The following SDHAF2 variants were observed in gnomAD, a reference collection of about 807,000 sequenced individuals.
SDHAF2 encodes succinate dehydrogenase assembly factor 2, mitochondrial.
Under a neutral mutation model 18.5 loss-of-function variants are expected in SDHAF2, and 21 were observed. The observed-to-expected ratio is 1.13, with a 90% CI of 0.80 to 1.63. SDHAF2 has a LOEUF of 1.63. Ranked by LOEUF, SDHAF2 falls within the 40% of genes most tolerant of loss-of-function variation. SDHAF2 has a pLI of 0.00. For synonymous variants in SDHAF2, 84 were observed against 70.7 expected, an observed-to-expected ratio of 1.19 and a Z score of -0.94; for missense variants, 195 against 200.3, an observed-to-expected ratio of 0.97 and a Z score of 0.16.
At chr11:61,435,453 T>C (rs1341013117) in intron 1 of SDHAF2, 2 of 152,198 alleles carry the variant, frequency 1.3e-5, no homozygotes, top group East Asian at 1.9e-4. Flanking sequence ...TCTTTATTCA[T>C]GTGCTTGGTA....
In SDHAF2 at chr11:61,446,251, C is replaced by A; in HGVS notation, c.*180C>A. 1 of 695,548 alleles carries A rather than the reference C, an allele frequency of 1.4e-6. No homozygotes were observed. The allele number at this position is 695,548 out of a possible 1,614,324, so 43.1% of individuals were successfully genotyped here. A position where few individuals can be genotyped will look rare whatever the true frequency, so the allele number is the denominator to read the frequency against. On this transcript the variant is annotated 3_prime_UTR_variant, in exon 4 of 4. Coordinates refer to ENST00000301761, the MANE Select transcript of SDHAF2 (RefSeq NM_017841.4). ...ATACATGTAAATGCACAATGTGACTCATTCTCATACTTTTTTGTTCAGCTC... is the reference window on the plus strand; with the variant it reads ...ATACATGTAAATGCACAATGTGACTAATTCTCATACTTTTTTGTTCAGCTC...
At chr11:61,436,702 C>A in intron 1 of SDHAF2, 1 of 399,152 alleles carries the variant, frequency 2.5e-6, no homozygotes, top group Non-Finnish European at 4.9e-6. Context: ...TTCGATGCAG[C>A]TGGTTTTGTG....
intron 1 of SDHAF2, chr11:61,431,135 C>T (rs1652620215): frequency 6.6e-6 from 1 of 152,174 alleles, no homozygotes. Flanking sequence ...AGCGATTCTT[C>T]CGCCTCAGCC....
intron 1 of SDHAF2, chr11:61,434,487 T>C (rs1377021942): frequency 6.6e-6 from 1 of 151,792 alleles, no homozygotes; most frequent in Non-Finnish European, 1.5e-5. Flanking sequence ...AATTATGTCT[T>C]CTAATAAGCT....
chr11:61,436,315 A>C (rs1861993238), intron 1 of SDHAF2, among the ~76,000 whole-genome samples: 1 of 152,118 alleles, frequency 6.6e-6, no homozygotes, highest in African/African-American at 2.4e-5. Context: ...AGAGAGCCCC[A>C]AAAAGCTAGA....
chr11:61,438,169 A>T, intron 3 of SDHAF2, 56 bp downstream of exon 3: 1 of 1,306,708 alleles, frequency 7.7e-7, no homozygotes, highest in Non-Finnish European at 1.1e-6. Flanking sequence ...GGCTGATTTG[A>T]GTCTAGAATT....
chr11:61,442,990 A>G (rs900115810), intron 3 of SDHAF2, among the ~76,000 whole-genome samples: 2 of 152,182 alleles, frequency 1.3e-5, no homozygotes, highest in Non-Finnish European at 2.9e-5. Flanking sequence ...CCTGGCCTCA[A>G]GTGATCCGTC....
intron 1 of SDHAF2, chr11:61,433,535 A>G (rs952183054): frequency 6.6e-6 from 1 of 152,216 alleles, no homozygotes; most frequent in Non-Finnish European, 1.5e-5. Context: ...CCCCATCCGC[A>G]TTCATTTCTG....
At position 61,430,314 on chromosome 11, in the gene SDHAF2, G is replaced by T; in HGVS notation, c.36+132G>T. ...CAGGGCAAGGGCAGGCCCAGGGAGAGGCCGATCCTGCAACTCAGGAAATAA... is the reference window on the plus strand; with the variant it reads ...CAGGGCAAGGGCAGGCCCAGGGAGATGCCGATCCTGCAACTCAGGAAATAA... On this transcript the variant is annotated intron_variant, in intron 1 of 3. Transcript: ENST00000301761. The T allele has an allele frequency of 2.7e-6, 3 of 1,093,504 alleles. No individual in the cohort carries two copies. In the South Asian group the frequency reaches 3.9e-5, roughly 14 times the overall value. 67.7% of individuals were successfully genotyped at this position (1,093,504 alleles called of 1,614,324 possible). A position where few individuals can be genotyped will look rare whatever the true frequency, so the allele number is the denominator to read the frequency against.
chr11:61,439,023 A>G (rs897744969), intron 3 of SDHAF2, among the ~76,000 whole-genome samples: 5 of 152,166 alleles, frequency 3.3e-5, no homozygotes, highest in Non-Finnish European at 7.3e-5. Context: ...CATCCTGGGC[A>G]AAAGAGTGAG....
rs752753055 is a variant in SDHAF2 at position 61,446,197 on chromosome 11, A to C, written c.*126A>C. 5.0e-6 allele frequency: 5 copies of C among 1,007,578 alleles called. No individual in the cohort carries two copies. Among genetic ancestry groups the C allele is most frequent in the Non-Finnish European group, 7.8e-6 (5 of 639,078 alleles). The allele number at this position is 1,007,578 out of a possible 1,614,324, so 62.4% of individuals were successfully genotyped here. On this transcript the variant is annotated 3_prime_UTR_variant, in exon 4 of 4. Transcript: ENST00000301761. ...TACCCCAGACCACTGGTCCTGCCTC[A>C]AGTGATGGACATAACCCTCTCCTAG... is the stretch of plus-strand genomic sequence containing the variant.
In SDHAF2 at chr11:61,446,588, A is replaced by G; in HGVS notation, c.*517A>G. 2.3e-6 allele frequency: 1 copy of G among 438,324 alleles called. No individual in the cohort carries two copies. Among genetic ancestry groups the G allele is most frequent in the Non-Finnish European group, 4.0e-6 (1 of 248,710 alleles). 27.2% of individuals were successfully genotyped at this position (438,324 alleles called of 1,614,324 possible). On this transcript the variant is annotated 3_prime_UTR_variant, in exon 4 of 4. Transcript: ENST00000301761. ...CCAGCCTCCTGAGCTGAATCCTTCA[A>G]AGGCACAGCAGGCAGAATGAGGGCC...
chr11:61,439,132 A>C (rs1862034236), intron 3 of SDHAF2, among the ~76,000 whole-genome samples: 1 of 152,188 alleles, frequency 6.6e-6, no homozygotes, highest in South Asian at 2.1e-4. Flanking sequence ...CTATGAGTAA[A>C]AAAACATCCA....
chr11:61,432,924 A>G (rs1861950030), intron 1 of SDHAF2: 1 of 151,974 alleles, frequency 6.6e-6, no homozygotes, highest in Non-Finnish European at 1.5e-5. Context: ...AAATTTTTAT[A>G]GTTGTTTTTA....
At chr11:61,430,482 C>G (rs916093723) in intron 1 of SDHAF2, 8 of 524,854 alleles carry the variant, frequency 1.5e-5, no homozygotes, top group Non-Finnish European at 2.4e-5. Context: ...CTCCCCTTCT[C>G]CCCGTTCTTT....
intron 1 of SDHAF2, chr11:61,433,682 AT>A (rs1861961103): frequency 1.3e-5 from 2 of 152,184 alleles, no homozygotes; most frequent in African/African-American, 4.8e-5. Flanking sequence ...CAGAATGTTT[AT>A]GGTGGGGCTT....
chr11:61,444,140 G>A (rs1862107488), intron 3 of SDHAF2: 2 of 152,360 alleles, frequency 1.3e-5, no homozygotes, highest in African/African-American at 4.8e-5. Context: ...GCAAATTTTA[G>A]TGGCACAGGC....
chr11:61,441,484 A>G (rs568858070), intron 3 of SDHAF2, among the ~76,000 whole-genome samples: 16 of 150,422 alleles, frequency 1.1e-4, no homozygotes, highest in Non-Finnish European at 2.1e-4. Context: ...TCATGCCACT[A>G]TACTCCAGCC....
chr11:61,430,502 T>C, intron 1 of SDHAF2: 1 of 494,148 alleles, frequency 2.0e-6, no homozygotes, highest in Admixed American at 3.7e-5. Flanking sequence ...TAGTCTTTAA[T>C]GCTTTTCGTG....
Sources: allele counts gnomAD v4.1 joint callset (sites outside exome capture counted in the v4.1 genomes callset), GRCh38; gene constraint gnomAD v4.1.1; transcripts MANE v1.5; gene names NCBI Gene and HGNC (gene_info 2026-07-23, HGNC 2026-07-21).